HSD17B2: variants seen among roughly 807,000 people sequenced by gnomAD.
HSD17B2 encodes the protein 17-beta-hydroxysteroid dehydrogenase type 2.
In HSD17B2, 32 loss-of-function variants were observed where a neutral mutation model predicts 26.9. The ratio of observed to expected loss-of-function variants is 1.19; its 90% CI spans 0.90 to 1.60. The LOEUF is 1.60. Ranked by LOEUF, HSD17B2 falls within the 40% of genes most tolerant of loss-of-function variation. The probability of loss-of-function intolerance (pLI) is 0.00; values close to 1 mark genes in which losing one functional copy is unlikely to be tolerated. For missense variants in HSD17B2, 613 were observed against 468.6 expected (o/e 1.31, Z -2.85); for synonymous variants, 246 against 186.7 (o/e 1.32, Z -2.59).
chr16:82,095,980 CCTT>C (rs1904827513), intron 4 of HSD17B2: 1 of 152,062 alleles, frequency 6.6e-6, no homozygotes, highest in Non-Finnish European at 1.5e-5. Flanking sequence ...ATGCACATCT[CCTT>C]ATTATTCACT....
intron 3 of HSD17B2, chr16:82,090,165 G>C (rs973657811): frequency 2.1e-6 from 2 of 932,478 alleles, no homozygotes; most frequent in African/African-American, 1.8e-5. Context: ...TCGATTACAG[G>C]TGCTGTAGTG....
At chr16:82,081,895 G>T (rs1350798657) in intron 3 of HSD17B2, among the ~76,000 whole-genome samples, 1 of 152,106 alleles carries the variant, frequency 6.6e-6, no homozygotes. Flanking sequence ...TACATATGCA[G>T]CATGGAATAC....
At chr16:82,092,764 G>A (rs1263235848) in intron 4 of HSD17B2, 7 of 152,256 alleles carry the variant, frequency 4.6e-5, no homozygotes, top group Admixed American at 4.6e-4. Context: ...AAGAGACATG[G>A]GTCAGAGGTG....
At position 82,071,121 on chromosome 16, in the gene HSD17B2, A is replaced by G. The variant is rs747656471; in HGVS notation, c.658A>G (p.Met220Val). Residue 220 changes from methionine (M) to valine (V), a missense_variant, in exon 3 of 5, where the codon ATG (methionine) becomes GTG (valine). Met to Val is a conservative substitution (Grantham distance 21). Transcript: ENST00000199936. ...SKGRLVNVSSMGGGAPMERLA... is the reference protein window; with the variant it reads ...SKGRLVNVSSVGGGAPMERLA... ...AGGGAGGCTGGTGAATGTCAGCAGC[A>G]TGGGAGGTGAGTCAGCATTTTCACA... The G allele has an allele frequency of 1.2e-6, 2 of 1,614,050 alleles. No individual in the cohort carries two copies. Among genetic ancestry groups the G allele is most frequent in the South Asian group, 1.1e-5 (1 of 91,086 alleles).
intron 1 of HSD17B2, among the ~76,000 whole-genome samples, chr16:82,040,086 A>T (rs1458763911): frequency 6.6e-6 from 1 of 152,242 alleles, no homozygotes; most frequent in East Asian, 1.9e-4. Context: ...GCATTAGATA[A>T]TTTTTAATTG....
chr16:82,054,625 G>A (rs749733725), intron 1 of HSD17B2, among the ~76,000 whole-genome samples: 1 of 152,146 alleles, frequency 6.6e-6, no homozygotes, highest in Non-Finnish European at 1.5e-5. Context: ...GATTCCAGGC[G>A]TGAGCCACCG....
At chr16:82,053,217 C>A (rs952023644) in intron 1 of HSD17B2, among the ~76,000 whole-genome samples, 1 of 152,090 alleles carries the variant, frequency 6.6e-6, no homozygotes, top group African/African-American at 2.4e-5. Context: ...CAGAAGTCAA[C>A]AGAAGGAGCC....
Position 82,098,110 on chromosome 16 carries a change from G to A in HSD17B2, c.838G>A (p.Glu280Lys). ...CACCAGTGACAAGTGGGAAAAGCTG[G>A]AGAAGGACATTCTGGACCACCTCCC... ...AGTSDKWEKLEKDILDHLPAE... is the reference protein window; with the variant it reads ...AGTSDKWEKLKKDILDHLPAE... The change falls in exon 5 of 5, where the codon GAG becomes AAG. Residue 280 changes from glutamate to lysine, a missense_variant. Transcript: ENST00000199936. 1.9e-6 allele frequency: 3 copies of A among 1,613,834 alleles called. No homozygotes were observed. Among genetic ancestry groups the A allele is most frequent in the South Asian group, 1.1e-5 (1 of 91,034 alleles).
intron 3 of HSD17B2, among the ~76,000 whole-genome samples, chr16:82,073,024 G>C (rs766088391): frequency 1.5e-4 from 23 of 152,150 alleles, no homozygotes; most frequent in Non-Finnish European, 2.8e-4. Context: ...TCATGTCACT[G>C]TACTCTAGCC....
intron 1 of HSD17B2, among the ~76,000 whole-genome samples, chr16:82,067,524 T>C (rs538670903): frequency 6.6e-6 from 1 of 152,316 alleles, no homozygotes; most frequent in South Asian, 2.1e-4. Context: ...TAGTCTCTGT[T>C]TTCACAGAGC....
chr16:82,097,865 G>A (rs979951761), intron 4 of HSD17B2: 2 of 374,178 alleles, frequency 5.3e-6, no homozygotes, highest in East Asian at 4.3e-5. Flanking sequence ...TTCAACTCTG[G>A]AGGCAGAGGT....
intron 3 of HSD17B2, among the ~76,000 whole-genome samples, chr16:82,084,728 G>T (rs1904475961): frequency 6.6e-6 from 1 of 152,240 alleles, no homozygotes; most frequent in South Asian, 2.1e-4. Context: ...GCTTGAATAA[G>T]AAGAGTTGAA....
intron 4 of HSD17B2, chr16:82,091,248 G>A: frequency 1.6e-6 from 1 of 614,144 alleles, no homozygotes; most frequent in Non-Finnish European, 2.9e-6. Flanking sequence ...GTGCGAAGGT[G>A]TTTTAAACAT....
intron 1 of HSD17B2, among the ~76,000 whole-genome samples, chr16:82,061,340 TA>T (rs1464823013): frequency 6.6e-6 from 1 of 152,160 alleles, no homozygotes; most frequent in Non-Finnish European, 1.5e-5. Context: ...ATTACTTTAA[TA>T]TATCAAATTA....
At chr16:82,058,110 C>A (rs1337633274) in intron 1 of HSD17B2, among the ~76,000 whole-genome samples, 2 of 145,304 alleles carry the variant, frequency 1.4e-5, no homozygotes, top group East Asian at 4.0e-4. Flanking sequence ...TTTGCTCTGT[C>A]GCCTAGGCTG....
intron 4 of HSD17B2, chr16:82,097,322 G>GTA (rs111812733): frequency 2.4e-3 from 354 of 147,226 alleles, no homozygotes; most frequent in African/African-American, 7.6e-3. Flanking sequence ...ATATGTGTGT[G>GTA]TATATATATA....
At chr16:82,049,497 G>T (rs1914040428) in intron 1 of HSD17B2, among the ~76,000 whole-genome samples, 1 of 152,226 alleles carries the variant, frequency 6.6e-6, no homozygotes, top group Non-Finnish European at 1.5e-5. Flanking sequence ...GCACCTTGAA[G>T]AATAGGCCAG....
At chr16:82,035,932 T>C (rs943839309) in intron 1 of HSD17B2, among the ~76,000 whole-genome samples, 15 of 152,182 alleles carry the variant, frequency 9.9e-5, no homozygotes, top group African/African-American at 3.6e-4. Flanking sequence ...TTTGTTAAAA[T>C]TTCCCAGGAA....
At position 82,068,289 on chromosome 16, in the gene HSD17B2, T is replaced by C; in HGVS notation, c.385T>C (p.Ser129Pro). Reference protein sequence around the residue: ...PGAEELRRTCSPRLSVLQMDI... With the variant: ...PGAEELRRTCPPRLSVLQMDI... ...AGCTGAGGAATTGCGAAGAACCTGC[T>C]CTCCGCGCCTCTCGGTGCTCCAAAT... is the stretch of plus-strand genomic sequence containing the variant. Residue 129 changes from serine (S) to proline (P), a missense_variant, in exon 2 of 5, where the codon TCT becomes CCT. By Grantham distance (74) the Ser-to-Pro change is moderately conservative. Coordinates refer to ENST00000199936, the MANE Select transcript of HSD17B2 (RefSeq NM_002153.3). 2 of 1,613,644 alleles carry C rather than the reference T, an allele frequency of 1.2e-6. No homozygotes were observed. The highest frequency in any genetic ancestry group is 1.7e-6 in the Non-Finnish European group (2 of 1,179,926).
Sources: allele counts gnomAD v4.1 joint callset (sites outside exome capture counted in the v4.1 genomes callset), GRCh38; gene constraint gnomAD v4.1.1; transcripts MANE v1.5; gene names NCBI Gene and HGNC (gene_info 2026-07-23, HGNC 2026-07-21).